The following UGT1A9 variants were observed in gnomAD, a reference collection of about 807,000 sequenced individuals.
UGT1A9 encodes UDP glucuronosyltransferase family 1 member A9.
Under a neutral mutation model 45.0 loss-of-function variants are expected in UGT1A9, and 35 were observed. That is an observed-to-expected ratio of 0.78 (90% confidence interval 0.59 to 1.03). UGT1A9 has a LOEUF of 1.03. Ranked by LOEUF, UGT1A9 falls within the 50% of genes least tolerant of loss-of-function variation. UGT1A9 has a pLI of 0.00. For missense variants in UGT1A9, 687 were observed against 666.6 expected, an observed-to-expected ratio of 1.03 and a Z score of -0.34; for synonymous variants, 278 against 250.6, an observed-to-expected ratio of 1.11 and a Z score of -1.03.
chr2:233,711,761 G>A (rs2125625357), intron 1 of UGT1A9, among the ~76,000 whole-genome samples: 2 of 152,342 alleles, frequency 1.3e-5, no homozygotes, highest in Middle Eastern at 3.4e-3. Context: ...TAGACACAGA[G>A]GAAGTGAGAT....
chr2:233,771,951 C>T (rs1331596370), intron 4 of UGT1A9, among the ~76,000 whole-genome samples: 1 of 152,070 alleles, frequency 6.6e-6, no homozygotes, highest in African/African-American at 2.4e-5. Context: ...CTTGTTTCTA[C>T]AAAAAATTTA....
chr2:233,733,736 T>C (rs558044026), intron 1 of UGT1A9, among the ~76,000 whole-genome samples: 3 of 152,366 alleles, frequency 2.0e-5, no homozygotes, highest in African/African-American at 7.2e-5. Context: ...TTTGCATCGA[T>C]GTTCATCAGG....
In UGT1A9 at chr2:233,772,258, T is replaced by A; in HGVS notation, c.1296-4T>A. On this transcript the variant is annotated splice_polypyrimidine_tract_variant and splice_region_variant and intron_variant, in intron 4 of 4. Coordinates refer to ENST00000354728, the MANE Select transcript of UGT1A9 (RefSeq NM_021027.3). The stretch of plus-strand genomic sequence containing the variant: ...AGGCATAACGAAACTGTCTTTGTGT[T>A]TAGTTACAAGGAGAACATCATGCGC... The A allele has an allele frequency of 6.2e-7, 1 of 1,614,236 alleles. No individual in the cohort carries two copies. The highest frequency in any genetic ancestry group is 8.5e-7 in the Non-Finnish European group (1 of 1,180,048).
chr2:233,724,329 G>A (rs1291101719), intron 1 of UGT1A9, among the ~76,000 whole-genome samples: 36 of 143,834 alleles, frequency 2.5e-4, no homozygotes, highest in African/African-American at 9.0e-4. Context: ...GGCTGGCCAG[G>A]CGGGGGGCTG....
At chr2:233,693,280 A>G (rs1249048416) in intron 1 of UGT1A9, 4 of 1,614,160 alleles carry the variant, frequency 2.5e-6, no homozygotes, top group Non-Finnish European at 3.4e-6. Context: ...ACCGTTACCA[A>G]TCATTTGGAA....
intron 1 of UGT1A9, among the ~76,000 whole-genome samples, chr2:233,712,043 A>G (rs1015594398): frequency 2.6e-5 from 4 of 152,248 alleles, no homozygotes; most frequent in Non-Finnish European, 5.9e-5. Flanking sequence ...TTGACTTGGA[A>G]AAAAGCCTGA....
intron 1 of UGT1A9, among the ~76,000 whole-genome samples, chr2:233,740,527 G>T (rs1691411320): frequency 1.3e-5 from 2 of 151,834 alleles, no homozygotes; most frequent in African/African-American, 4.9e-5. Flanking sequence ...ACTAAAATCA[G>T]CTGTGTTGAA....
intron 1 of UGT1A9, among the ~76,000 whole-genome samples, chr2:233,731,096 C>A (rs1335372284): frequency 6.6e-6 from 1 of 151,962 alleles, no homozygotes; most frequent in African/African-American, 2.4e-5. Flanking sequence ...TATTTCTGTG[C>A]CTTTTTTATA....
rs34946978 is a variant in UGT1A9 at position 233,768,226 on chromosome 2, C to T, written c.1082C>T (p.Pro361Leu). 720 of 1,614,202 alleles carry T rather than the reference C, an allele frequency of 4.5e-4. 7 individuals carry two copies. The East Asian group carries it at 9.4e-3, about 21-fold the overall frequency. The change falls in exon 4 of 5, where the codon CCG becomes CTG. Residue 361 changes from proline to leucine, a missense_variant. By Grantham distance (98) the Pro-to-Leu change is moderately conservative. Transcript: ENST00000354728. Reference sequence around the variant, plus strand: ...TCCCTATTTTGCATCTCAGGTCACCCGATGACCCGTGCCTTTATCACCCAT... The same window carrying T: ...TCCCTATTTTGCATCTCAGGTCACCTGATGACCCGTGCCTTTATCACCCAT... The part of the protein sequence containing the change: ...WLPQNDLLGH[P>L]MTRAFITHAG...
intron 1 of UGT1A9, among the ~76,000 whole-genome samples, chr2:233,766,238 C>T (rs1302165333): frequency 6.6e-6 from 1 of 151,910 alleles, no homozygotes; most frequent in Non-Finnish European, 1.5e-5. Flanking sequence ...GAAGGGTTTC[C>T]CCTGGAGTCA....
chr2:233,736,773 T>A (rs572779533), intron 1 of UGT1A9, among the ~76,000 whole-genome samples: 1 of 152,322 alleles, frequency 6.6e-6, no homozygotes, highest in African/African-American at 2.4e-5. Flanking sequence ...AACAGTCAGA[T>A]CCCTCAGCTG....
At chr2:233,676,157 A>G (rs1030700811) in intron 1 of UGT1A9, among the ~76,000 whole-genome samples, 2 of 152,174 alleles carry the variant, frequency 1.3e-5, no homozygotes, top group African/African-American at 2.4e-5. Flanking sequence ...TCAGACTCCA[A>G]AACCATTTGT....
intron 1 of UGT1A9, among the ~76,000 whole-genome samples, chr2:233,695,635 A>T (rs1383639619): frequency 2.6e-5 from 4 of 151,066 alleles, no homozygotes; most frequent in Non-Finnish European, 2.9e-5. Context: ...CATGAGACCC[A>T]CTTTTTTAGC....
chr2:233,682,878 C>T, intron 1 of UGT1A9: 2 of 1,512,868 alleles, frequency 1.3e-6, no homozygotes, highest in Non-Finnish European at 1.8e-6. Context: ...TTATCATTTA[C>T]ATTTGTCCCA....
At chr2:233,754,017 T>C (rs1254861079) in intron 1 of UGT1A9, among the ~76,000 whole-genome samples, 1 of 152,250 alleles carries the variant, frequency 6.6e-6, no homozygotes, top group African/African-American at 2.4e-5. Flanking sequence ...ACAGCCATGA[T>C]AGGAAACGAA....
chr2:233,714,550 T>C (rs1403377657), intron 1 of UGT1A9, among the ~76,000 whole-genome samples: 5 of 152,252 alleles, frequency 3.3e-5, no homozygotes, highest in African/African-American at 7.2e-5. Context: ...AAGTGTCCAA[T>C]AGAAATATCA....
At chr2:233,733,441 G>A (rs189365163) in intron 1 of UGT1A9, among the ~76,000 whole-genome samples, 194 of 152,182 alleles carry the variant, frequency 1.3e-3, no homozygotes, top group Non-Finnish European at 1.4e-3. Context: ...TATTGGCTGC[G>A]GGTTTGTCAT....
chr2:233,722,551 G>A (rs1195630832), intron 1 of UGT1A9, among the ~76,000 whole-genome samples: 3 of 152,024 alleles, frequency 2.0e-5, no homozygotes, highest in Admixed American at 6.5e-5. Context: ...AGTTTCTTTT[G>A]GTTGATTTGT....
chr2:233,675,678 T>G (rs2602381), intron 1 of UGT1A9, among the ~76,000 whole-genome samples: 5 of 151,956 alleles, frequency 3.3e-5, no homozygotes, highest in African/African-American at 1.2e-4. Flanking sequence ...CTCAGTGTAA[T>G]GAGCACCCAC....
Sources: gnomAD v4.1 joint callset for allele counts (sites outside exome capture counted in the v4.1 genomes callset) on GRCh38, gnomAD v4.1.1 for gene constraint, MANE v1.5 for transcripts, NCBI Gene and HGNC (gene_info 2026-07-23, HGNC 2026-07-21) for gene names.